The following HDAC9 variants were observed in gnomAD, a reference collection of about 807,000 sequenced individuals.
HDAC9 encodes MEF-2 interacting transcription repressor (MITR) protein.
Under a neutral mutation model 139.4 loss-of-function variants are expected in HDAC9, and 41 were observed. The ratio of observed to expected loss-of-function variants is 0.29; its 90% CI spans 0.23 to 0.38. HDAC9 has a LOEUF of 0.38. Ranked by LOEUF, HDAC9 falls within the 10% of genes least tolerant of loss-of-function variation. The pLI is 1.00. For missense variants in HDAC9, 1,147 were observed against 1,297.0 expected (o/e 0.88, Z 1.78); for synonymous variants, 517 against 476.2 (o/e 1.09, Z -1.12).
intron 2 of HDAC9, among the ~76,000 whole-genome samples, chr7:18,244,812 A>AAATAAT (rs55633844): frequency 0.041 from 6,107 of 147,826 alleles, 326 homozygotes; most frequent in African/African-American, 0.12. Context: ...TCTGTCTCAA[A>AAATAAT]AATAATAATA....
chr7:18,397,201 C>T (rs1249844947), intron 1 of HDAC9, among the ~76,000 whole-genome samples: 1 of 151,972 alleles, frequency 6.6e-6, no homozygotes, highest in Non-Finnish European at 1.5e-5. Context: ...AATACGGGGG[C>T]AGAAGGGAGT....
chr7:18,602,502 A>G (rs1213069084), intron 6 of HDAC9, among the ~76,000 whole-genome samples: 1 of 150,354 alleles, frequency 6.7e-6, no homozygotes, highest in Non-Finnish European at 1.5e-5. Context: ...TTAAGCTTAG[A>G]TTGTTATTTT....
chr7:18,297,605 A>T (rs1167528999), intron 1 of HDAC9, among the ~76,000 whole-genome samples: 1 of 152,192 alleles, frequency 6.6e-6, no homozygotes, highest in African/African-American at 2.4e-5. Context: ...AACATTCTAA[A>T]CTAGGTTAGA....
At chr7:18,161,978 C>G (rs1033345177) in intron 1 of HDAC9, among the ~76,000 whole-genome samples, 1 of 152,082 alleles carries the variant, frequency 6.6e-6, no homozygotes, top group African/African-American at 2.4e-5. Flanking sequence ...ATTGCTTTCT[C>G]CCTCACTGAT....
Position 18,801,002 on chromosome 7 carries a change from C to A in HDAC9, c.2322+7550C>A, listed in dbSNP as rs139459585. Among the ~76,000 whole-genome samples the A allele has an allele frequency of 1.7e-3, 264 of 152,124 alleles. 1 individual carries two copies. Among genetic ancestry groups the A allele is most frequent in the African/African-American group, 6.1e-3 (252 of 41,518 alleles). ...TGCTAATTGTACATCATTATTATTG[C>A]AAAACTAGTAACAATTTATAAGTCA... On this transcript the variant is annotated intron_variant, in intron 17 of 25. Coordinates refer to ENST00000686413, the MANE Select transcript of HDAC9 (RefSeq NM_178425.4).
intron 2 of HDAC9, among the ~76,000 whole-genome samples, chr7:18,247,133 G>T (rs1226782866): frequency 6.6e-6 from 1 of 151,900 alleles, no homozygotes; most frequent in African/African-American, 2.4e-5. Flanking sequence ...GAATAAAGGT[G>T]TCAAGCAGTT....
intron 14 of HDAC9, among the ~76,000 whole-genome samples, chr7:18,752,729 A>G (rs536194508): frequency 2.0e-5 from 3 of 152,144 alleles, no homozygotes; most frequent in Non-Finnish European, 4.4e-5. Context: ...GGTATAATCA[A>G]ATAGGAATAT....
At chr7:18,969,678 GAAAA>G (rs922656653) in intron 24 of HDAC9, among the ~76,000 whole-genome samples, 1 of 150,428 alleles carries the variant, frequency 6.6e-6, no homozygotes, top group African/African-American at 2.4e-5. Context: ...ACATTTTAGA[GAAAA>G]AAAAATACAG....
Position 18,382,009 on chromosome 7 carries a change from G to A in HDAC9, c.-42+91494G>A, listed in dbSNP as rs141699877. 2.0e-5 allele frequency among the ~76,000 whole-genome samples: 3 copies of A among 152,136 alleles called. No homozygotes were observed. The East Asian group carries it at 5.8e-4, about 29-fold the overall frequency. ...AACGTAGTAATAATGTTTTTCTAAT[G>A]TGAATATGAGAGTCTCAAAGTAGTC... On this transcript the variant is annotated intron_variant, in intron 1 of 3. Transcript: ENST00000413509.
chr7:18,678,136 C>G (rs1050254029), intron 12 of HDAC9, among the ~76,000 whole-genome samples: 51 of 151,966 alleles, frequency 3.4e-4, no homozygotes, highest in African/African-American at 1.1e-3. Context: ...TTTCTGAGCT[C>G]TTTATTTTAT....
rs559609477 is a variant in HDAC9, at chr7:18,145,919, G to A, written c.-96-16310G>A. On this transcript the variant is annotated intron_variant, in intron 1 of 12. Transcript: ENST00000417496. ...GTATCCCGAGAGGAGCAAATTTAGGGCAGAACAGAAAGACCCCACAAAAGA... is the reference window on the plus strand; with the variant it reads ...GTATCCCGAGAGGAGCAAATTTAGGACAGAACAGAAAGACCCCACAAAAGA... Among the ~76,000 whole-genome samples the A allele has an allele frequency of 1.0e-3, 155 of 152,216 alleles. 1 individual carries two copies. The highest frequency in any genetic ancestry group is 1.6e-3 in the Non-Finnish European group (111 of 68,008).
At chr7:18,539,711 A>C (rs1358465410) in intron 2 of HDAC9, among the ~76,000 whole-genome samples, 1 of 152,108 alleles carries the variant, frequency 6.6e-6, no homozygotes, top group East Asian at 1.9e-4. Context: ...CTGAAAAGGA[A>C]AAACATTTGG....
At chr7:18,185,240 A>G (rs1353379507) in intron 2 of HDAC9, among the ~76,000 whole-genome samples, 3 of 152,228 alleles carry the variant, frequency 2.0e-5, no homozygotes, top group African/African-American at 4.8e-5. Context: ...TGGACTATAC[A>G]TTAAAATAAC....
At chr7:18,593,785 A>T in intron 5 of HDAC9, 123 bp from the exon 6 acceptor site, 1 of 982,184 alleles carries the variant, frequency 1.0e-6, no homozygotes, top group Non-Finnish European at 1.6e-6. Context: ...TGGTTTGTAT[A>T]CACTAAGGAG....
rs138826244 is a variant in HDAC9, at chr7:18,602,054, A to G, written c.664+8025A>G. 1.5e-4 allele frequency among the ~76,000 whole-genome samples: 23 copies of G among 152,246 alleles called. No individual in the cohort carries two copies. In the East Asian group the frequency reaches 4.4e-3, roughly 29 times the overall value. Reference sequence around the variant, plus strand: ...TATTGATACCATTTACACTTTAAGTATTTGGTAAAATTTACTAGTGAAACC... The same window carrying G: ...TATTGATACCATTTACACTTTAAGTGTTTGGTAAAATTTACTAGTGAAACC... On this transcript the variant is annotated intron_variant, in intron 6 of 25. Transcript: ENST00000686413.
intron 1 of HDAC9, among the ~76,000 whole-genome samples, chr7:18,133,054 T>C (rs1410933868): frequency 6.6e-6 from 1 of 152,130 alleles, no homozygotes; most frequent in African/African-American, 2.4e-5. Context: ...AAACAGCTGA[T>C]AGCAGTGGTC....
At chr7:18,565,383 G>A (rs1373562604) in intron 2 of HDAC9, among the ~76,000 whole-genome samples, 1 of 152,188 alleles carries the variant, frequency 6.6e-6, no homozygotes, top group Non-Finnish European at 1.5e-5. Context: ...AAAGGGTAGA[G>A]AATTTCTGTG....
intron 2 of HDAC9, among the ~76,000 whole-genome samples, chr7:18,559,946 A>G (rs1820080626): frequency 6.6e-6 from 1 of 152,168 alleles, no homozygotes; most frequent in Non-Finnish European, 1.5e-5. Flanking sequence ...GTCTTCCTAT[A>G]TTTGTTTTGA....
In HDAC9 at chr7:18,661,962, C is replaced by T. The variant is rs2129062913; in HGVS notation, c.1468-4251C>T. On this transcript the variant is annotated intron_variant, in intron 11 of 25. Transcript: ENST00000686413. ...ATTAATGGACTGAACAATGTGATTT[C>T]TGGGTACTTCAGTGACTTCACAGGT... Among the ~76,000 whole-genome samples, 3 of 152,220 alleles carry T rather than the reference C, an allele frequency of 2.0e-5. No homozygotes were observed. In the Middle Eastern group the frequency reaches 0.01, roughly 518 times the overall value.
Sources: gnomAD v4.1 joint callset for allele counts (sites outside exome capture counted in the v4.1 genomes callset) on GRCh38, gnomAD v4.1.1 for gene constraint, MANE v1.5 for transcripts, NCBI Gene and HGNC (gene_info 2026-07-23, HGNC 2026-07-21) for gene names.